Variants in BCL2L13 observed in about 807,000 individuals in gnomAD.
BCL2L13 encodes bcl-2-like protein 13.
A neutral mutation model predicts 25.8 loss-of-function variants in BCL2L13; 13 were observed. That is an observed-to-expected ratio of 0.50 (90% CI 0.33 to 0.80). BCL2L13 has a LOEUF of 0.80. BCL2L13 is among the 30% of genes least tolerant of loss of function. The pLI is 0.02. For synonymous variants in BCL2L13, 244 were observed against 230.3 expected (o/e 1.06, Z -0.54); for missense variants, 504 against 574.9 (o/e 0.88, Z 1.26).
intron 2 of BCL2L13, among the ~76,000 whole-genome samples, chr22:17,674,886 T>TATA (rs57970125): frequency 0.85 from 129,249 of 151,796 alleles, 55,148 homozygotes; most frequent in East Asian, 0.94. Context: ...TAATGTGGCT[T>TATA]ATGATGCATA....
chr22:17,730,094 G>A lies in BCL2L13; in HGVS notation c.*2560G>A, dbSNP rs1252477902. On this transcript the variant is annotated 3_prime_UTR_variant, in exon 7 of 7. Coordinates refer to ENST00000317582, the MANE Select transcript of BCL2L13 (RefSeq NM_015367.4). ...ATAAATCCAACTTGTTTATAGAAAA[G>A]TTCTTGTTAGTCCTTAGACCTCATC... 1 of 152,156 alleles carries A rather than the reference G, an allele frequency of 6.6e-6. No homozygotes were observed. Among genetic ancestry groups the A allele is most frequent in the Non-Finnish European group, 1.5e-5 (1 of 68,034 alleles). The allele number at this position is 152,156 out of a possible 1,614,324, so 9.4% of individuals were successfully genotyped here. A position where few individuals can be genotyped will look rare whatever the true frequency, so the allele number is the denominator to read the frequency against.
chr22:17,667,044 G>A (rs2059254519), intron 2 of BCL2L13, among the ~76,000 whole-genome samples: 1 of 152,096 alleles, frequency 6.6e-6, no homozygotes, highest in African/African-American at 2.4e-5. Context: ...TCTGTTCATG[G>A]ACACTTAGGT....
chr22:17,716,547 G>A (rs1443719264), intron 6 of BCL2L13, among the ~76,000 whole-genome samples: 3 of 152,128 alleles, frequency 2.0e-5, no homozygotes, highest in African/African-American at 4.8e-5. Context: ...TGGCCCTAGC[G>A]ATAGAGAAGA....
At chr22:17,650,295 C>T (rs2058640324) in intron 1 of BCL2L13, among the ~76,000 whole-genome samples, 1 of 152,180 alleles carries the variant, frequency 6.6e-6, no homozygotes, top group East Asian at 1.9e-4. Context: ...TTCTACCTTT[C>T]TGTTTCAATC....
At chr22:17,646,679 C>A in intron 1 of BCL2L13, among the ~76,000 whole-genome samples, 1 of 148,422 alleles carries the variant, frequency 6.7e-6, no homozygotes. Flanking sequence ...AACTATATGT[C>A]CCTCTCATCA....
rs1183841259 is a variant in BCL2L13 at position 17,719,879 on chromosome 22, T to C, written c.601-6798T>C. ...TGAAGTATGGATACATGCTACAACATGGGTGGGCCTTGAAAACATTATGCT... is the reference window on the plus strand; with the variant it reads ...TGAAGTATGGATACATGCTACAACACGGGTGGGCCTTGAAAACATTATGCT... On this transcript the variant is annotated intron_variant, in intron 6 of 6. Coordinates refer to ENST00000317582, the MANE Select transcript of BCL2L13 (RefSeq NM_015367.4). Among the ~76,000 whole-genome samples, 5 of 145,086 alleles carry C rather than the reference T, an allele frequency of 3.4e-5. No individual in the cohort carries two copies. In the Admixed American group the frequency reaches 3.5e-4, roughly 10 times the overall value.
chr22:17,708,497 A>G (rs1295333150), intron 6 of BCL2L13, among the ~76,000 whole-genome samples: 1 of 152,242 alleles, frequency 6.6e-6, no homozygotes, highest in African/African-American at 2.4e-5. Flanking sequence ...GTGAGGTTTC[A>G]ATAGATGAAG....
chr22:17,668,825 T>A (rs577235695), intron 2 of BCL2L13, among the ~76,000 whole-genome samples: 1 of 152,274 alleles, frequency 6.6e-6, no homozygotes, highest in African/African-American at 2.4e-5. Flanking sequence ...TAAGTTCTTC[T>A]GCATAGTACT....
chr22:17,630,790 C>T (rs1226766757), intron 1 of BCL2L13, among the ~76,000 whole-genome samples: 1 of 151,174 alleles, frequency 6.6e-6, no homozygotes, highest in Non-Finnish European at 1.5e-5. Context: ...GGGGTTTCAA[C>T]ACATTGGCCA....
rs1569032183 is a variant in BCL2L13 at position 17,730,748 on chromosome 22, A to C, written c.*3214A>C. On this transcript the variant is annotated 3_prime_UTR_variant, in exon 7 of 7. Transcript: ENST00000317582. ...CTGATTGCTAACAGACACGACCTAGAGCTTCTGCCCAAATTCCCACACAAG... is the reference window on the plus strand; with the variant it reads ...CTGATTGCTAACAGACACGACCTAGCGCTTCTGCCCAAATTCCCACACAAG... 6.6e-6 allele frequency: 1 copy of C among 152,074 alleles called. No individual in the cohort carries two copies. The highest frequency in any genetic ancestry group is 1.5e-5 in the Non-Finnish European group (1 of 68,028). 9.4% of individuals were successfully genotyped at this position (152,074 alleles called of 1,614,324 possible).
chr22:17,644,812 T>C (rs1368018125), intron 1 of BCL2L13, among the ~76,000 whole-genome samples: 1 of 150,616 alleles, frequency 6.6e-6, no homozygotes, highest in Non-Finnish European at 1.5e-5. Context: ...ATTTCTTTTT[T>C]TTTTTTTTTT....
chr22:17,656,091 A>G lies in BCL2L13; in HGVS notation c.121+259A>G, dbSNP rs376259012. On this transcript the variant is annotated intron_variant, in intron 2 of 6. Coordinates refer to ENST00000317582, the MANE Select transcript of BCL2L13 (RefSeq NM_015367.4). Reference sequence around the variant, plus strand: ...CCCTGCCTCTACTAATAATACAAAAATTATTTGGGCATGGTGGCATGCGCC... The same window carrying G: ...CCCTGCCTCTACTAATAATACAAAAGTTATTTGGGCATGGTGGCATGCGCC... Among the ~76,000 whole-genome samples the G allele has an allele frequency of 3.4e-3, 518 of 151,730 alleles. 1 individual carries two copies. The highest frequency in any genetic ancestry group is 6.8e-3 in the Middle Eastern group (2 of 294).
Position 17,652,042 on chromosome 22 carries a change from C to G in BCL2L13, c.-50-3620C>G, listed in dbSNP as rs2146477741. ...TGTTCTGTATCACTACCTGGATGAC[C>G]TGTAGGTACTTGAAAATTCAGTGCA... On this transcript the variant is annotated intron_variant, in intron 1 of 6. Transcript: ENST00000317582. Among the ~76,000 whole-genome samples, 3 of 152,192 alleles carry G rather than the reference C, an allele frequency of 2.0e-5. No individual in the cohort carries two copies. The Middle Eastern group carries it at 0.01, about 518-fold the overall frequency.
upstream of BCL2L13, chr22:17,638,459 C>G (rs1354210134): frequency 5.1e-6 from 2 of 394,032 alleles, no homozygotes; most frequent in Non-Finnish European, 8.9e-6. Context: ...TGAACATAGC[C>G]TGTGCATGCA....
intron 6 of BCL2L13, among the ~76,000 whole-genome samples, chr22:17,722,099 A>G (rs967970579): frequency 1.3e-5 from 2 of 152,070 alleles, no homozygotes; most frequent in Admixed American, 1.3e-4. Flanking sequence ...AAATAAGTAG[A>G]TATGTATATA....
intron 4 of BCL2L13, among the ~76,000 whole-genome samples, chr22:17,690,550 G>C (rs532282698): frequency 6.6e-6 from 1 of 152,164 alleles, no homozygotes; most frequent in Admixed American, 6.6e-5. Flanking sequence ...CTTGAGGCCA[G>C]GAGTTAAAGA....
At chr22:17,712,130 G>A (rs1235853120) in intron 6 of BCL2L13, among the ~76,000 whole-genome samples, 3 of 151,654 alleles carry the variant, frequency 2.0e-5, no homozygotes, top group African/African-American at 4.8e-5. Context: ...ACTATTTTTC[G>A]TAACTCTGAA....
At chr22:17,706,610 C>T in intron 6 of BCL2L13, 5 of 1,117,466 alleles carry the variant, frequency 4.5e-6, no homozygotes, top group African/African-American at 3.2e-5. Context: ...TGGTTTTTTT[C>T]CCTCTCCTTA....
chr22:17,672,881 G>A (rs2059457784), intron 2 of BCL2L13, among the ~76,000 whole-genome samples: 1 of 152,152 alleles, frequency 6.6e-6, no homozygotes, highest in Admixed American at 6.6e-5. Context: ...GATTGGATGT[G>A]TGTGGGTGTA....
Sources: allele counts gnomAD v4.1 joint callset (sites outside exome capture counted in the v4.1 genomes callset), GRCh38; gene constraint gnomAD v4.1.1; transcripts MANE v1.5; gene names NCBI Gene and HGNC (gene_info 2026-07-23, HGNC 2026-07-21).